The following JMJD1C variants were observed in gnomAD, a reference collection of about 807,000 sequenced individuals.
JMJD1C encodes the protein jumonji domain-containing protein 1C.
Under a neutral mutation model 245.3 loss-of-function variants are expected in JMJD1C, and 31 were observed. The observed-to-expected ratio is 0.13, with a 90% CI of 0.09 to 0.17. The LOEUF is 0.17. Ranked by LOEUF, JMJD1C falls within the 10% of genes least tolerant of loss-of-function variation. The pLI, the probability that JMJD1C is intolerant of heterozygous loss-of-function variation, is 1.00. For synonymous variants in JMJD1C, 1,057 were observed against 1,017.4 expected (o/e 1.04, Z -0.74); for missense variants, 2,691 against 3,000.2 (o/e 0.90, Z 2.41).
chr10:63,337,267 C>T (rs1053274024), intron 2 of JMJD1C, among the ~76,000 whole-genome samples: 1 of 150,830 alleles, frequency 6.6e-6, no homozygotes, highest in Admixed American at 6.6e-5. Context: ...TATGGTGAAA[C>T]CCCATGTCTA....
Position 63,214,758 on chromosome 10 carries a change from A to C in JMJD1C, c.1409T>G (p.Val470Gly). 3 of 1,613,618 alleles carry C rather than the reference A, an allele frequency of 1.9e-6. No individual in the cohort carries two copies. Among genetic ancestry groups the C allele is most frequent in the Non-Finnish European group, 2.5e-6 (3 of 1,179,692 alleles). Residue 470 changes from valine (V) to glycine (G), a missense_variant, in exon 8 of 26, where the codon GTT becomes GGT. Around this residue, in one of 9 missense-constraint regions of JMJD1C, gnomAD observed 1,562 missense variants for 1,490.7 expected, o/e 1.05. Coordinates refer to ENST00000399262, the MANE Select transcript of JMJD1C (RefSeq NM_032776.3). ...MIIHSSEQST[V>G]SDHNSNDLLP... ...TAAATCATTAGAATTATGATCAGAA[A>C]CTGTGGACTGTTCTGACGAATGAAT...
At position 63,168,157 on chromosome 10, in the gene JMJD1C, T is replaced by C. The variant is rs367642525; in HGVS notation, c.7534-23A>G. On this transcript the variant is annotated intron_variant, in intron 25 of 25. Coordinates refer to ENST00000399262, the MANE Select transcript of JMJD1C (RefSeq NM_032776.3). ...AACCTGAAAGAGATGTTGATATTTCTAATCACTTCAGTTCGACAGAAATTA... is the reference window on the plus strand; with the variant it reads ...AACCTGAAAGAGATGTTGATATTTCCAATCACTTCAGTTCGACAGAAATTA... 7.9e-5 allele frequency: 115 copies of C among 1,460,098 alleles called. 3 individuals are homozygous for C. In the South Asian group the frequency reaches 8.8e-4, roughly 11 times the overall value. The allele number at this position is 1,460,098 out of a possible 1,614,324, so 90.4% of individuals were successfully genotyped here.
chr10:63,507,413 G>A (rs1954751779), intron 1 of JMJD1C, among the ~76,000 whole-genome samples: 1 of 152,030 alleles, frequency 6.6e-6, no homozygotes, highest in Non-Finnish European at 1.5e-5. Context: ...GGAGGCTGAG[G>A]CGGGGGGATC....
chr10:63,214,276 C>A lies in JMJD1C; in HGVS notation c.1891G>T (p.Val631Leu), dbSNP rs1193691758. ...ETIKSKLNTS[V>L]DTHKIKSSPS... ...CTGGATTTTATCTTGTGAGTATCTA[C>A]TGAAGTATTAAGTTTAGATTTTATA... The change falls in exon 8 of 26, where the codon GTA (valine) becomes TTA (leucine). Residue 631 changes from valine to leucine, a missense_variant. Transcript: ENST00000399262. 1.2e-6 allele frequency: 2 copies of A among 1,614,036 alleles called. No individual in the cohort carries two copies. The highest frequency in any genetic ancestry group is 1.1e-5 in the South Asian group (1 of 91,078).
rs76812604 is a variant in JMJD1C at position 63,414,453 on chromosome 10, A to G, written c.169-33971T>C. On this transcript the variant is annotated intron_variant, in intron 1 of 25. Transcript: ENST00000399262. ...GATCTCAAGTCTAACCAGAATCACC[A>G]TAAGGCCAGAGTTTGTTCCCCGTAA... 2.3e-3 allele frequency among the ~76,000 whole-genome samples: 355 copies of G among 152,280 alleles called. 1 individual carries two copies. The highest frequency in any genetic ancestry group is 0.015 in the East Asian group (77 of 5,190).
At position 63,189,329 on chromosome 10, in the gene JMJD1C, C is replaced by T. The variant is rs751191855; in HGVS notation, c.6409G>A (p.Glu2137Lys). ...SKINVKPELK[E>K]EPEESIISAV... ...GATATTATGCTTTCTTCAGGCTCTT[C>T]TTTAAGCTCTGGTTTTACATTTATC... Residue 2137 changes from glutamate (E) to lysine (K), a missense_variant, in exon 18 of 26, where the codon GAA becomes AAA. Transcript: ENST00000399262. 8 of 1,613,736 alleles carry T rather than the reference C, an allele frequency of 5.0e-6. No individual in the cohort carries two copies. The highest frequency in any genetic ancestry group is 2.2e-5 in the South Asian group (2 of 91,084).
Position 63,382,629 on chromosome 10 carries a change from G to A in JMJD1C, c.169-2147C>T, listed in dbSNP as rs190646226. Among the ~76,000 whole-genome samples, 6 of 152,236 alleles carry A rather than the reference G, an allele frequency of 3.9e-5. No individual in the cohort carries two copies. In the East Asian group the frequency reaches 1.2e-3, roughly 29 times the overall value. ...AATCAAAAGCATTTCCTTTAAGATGGGAACAAGACAAGGATGTTATAATTT... is the reference window on the plus strand; with the variant it reads ...AATCAAAAGCATTTCCTTTAAGATGAGAACAAGACAAGGATGTTATAATTT... On this transcript the variant is annotated intron_variant, in intron 1 of 25. Transcript: ENST00000399262.
intron 2 of JMJD1C, among the ~76,000 whole-genome samples, chr10:63,296,026 T>TTTTC (rs1491140598): frequency 1.0e-4 from 14 of 133,472 alleles, no homozygotes; most frequent in African/African-American, 3.9e-4. Flanking sequence ...TTTTTTTTTT[T>TTTTC]CTTAGATGGA....
At chr10:63,435,967 G>C (rs1297415745) in intron 1 of JMJD1C, among the ~76,000 whole-genome samples, 1 of 152,142 alleles carries the variant, frequency 6.6e-6, no homozygotes, top group Non-Finnish European at 1.5e-5. Context: ...ACCCAATATG[G>C]TGGAAAGGTT....
chr10:63,290,805 GA>G (rs1228215229), intron 2 of JMJD1C, among the ~76,000 whole-genome samples: 3 of 152,056 alleles, frequency 2.0e-5, no homozygotes, highest in Admixed American at 6.5e-5. Flanking sequence ...CAATAATGAA[GA>G]GGACTGGCTG....
intron 1 of JMJD1C, among the ~76,000 whole-genome samples, chr10:63,434,991 A>G (rs1950984006): frequency 6.6e-6 from 1 of 152,248 alleles, no homozygotes; most frequent in African/African-American, 2.4e-5. Context: ...TACCAATAGC[A>G]TATCTTTAGA....
At chr10:63,520,476 A>T (rs1955175049) in intron 1 of JMJD1C, among the ~76,000 whole-genome samples, 1 of 151,752 alleles carries the variant, frequency 6.6e-6, no homozygotes, top group African/African-American at 2.4e-5. Flanking sequence ...TCTAAACTTT[A>T]ACATCATTTT....
intron 3 of JMJD1C, among the ~76,000 whole-genome samples, chr10:63,249,131 CATG>C (rs1852691447): frequency 1.3e-5 from 2 of 152,072 alleles, no homozygotes; most frequent in Admixed American, 1.3e-4. Flanking sequence ...GACTGACCAG[CATG>C]ATAAAACCCT....
Position 63,207,132 on chromosome 10 carries a change from A to C in JMJD1C, c.4537T>G (p.Ser1513Ala). 6.2e-7 allele frequency: 1 copy of C among 1,614,216 alleles called. No homozygotes were observed. The highest frequency in any genetic ancestry group is 8.5e-7 in the Non-Finnish European group (1 of 1,180,032). The change falls in exon 10 of 26, where the codon TCA becomes GCA. Residue 1513 changes from serine to alanine, a missense_variant. By Grantham distance (99) the Ser-to-Ala change is moderately conservative. Around this residue, in one of 9 missense-constraint regions of JMJD1C, gnomAD observed 1,562 missense variants for 1,490.7 expected, o/e 1.05. Coordinates refer to ENST00000399262, the MANE Select transcript of JMJD1C (RefSeq NM_032776.3). ...EPNAIKNQTL[S>A]ASLPLDSTVI... Reference sequence around the variant, plus strand: ...GTGCTATCCAGAGGAAGGGAGGCTGAAAGTGTCTGATTTTTTATAGCATTA... The same window carrying C: ...GTGCTATCCAGAGGAAGGGAGGCTGCAAGTGTCTGATTTTTTATAGCATTA...
At chr10:63,464,888 C>T (rs1239531297) in intron 1 of JMJD1C, among the ~76,000 whole-genome samples, 4 of 152,148 alleles carry the variant, frequency 2.6e-5, no homozygotes, top group African/African-American at 9.7e-5. Flanking sequence ...TCACTTTTAT[C>T]CTTTACGGTT....
At chr10:63,316,147 G>A (rs1940019892) in intron 2 of JMJD1C, among the ~76,000 whole-genome samples, 1 of 152,194 alleles carries the variant, frequency 6.6e-6, no homozygotes. Flanking sequence ...ACTCCAGCCT[G>A]GGCTATAGAG....
chr10:63,327,511 A>C (rs1180233057), intron 2 of JMJD1C, among the ~76,000 whole-genome samples: 1 of 152,202 alleles, frequency 6.6e-6, no homozygotes, highest in Non-Finnish European at 1.5e-5. Flanking sequence ...TTCCAGTTAC[A>C]ACTAAGGAAG....
chr10:63,264,578 G>T, intron 3 of JMJD1C, 73 bp downstream of exon 3: 2 of 691,736 alleles, frequency 2.9e-6, no homozygotes, highest in Non-Finnish European at 4.9e-6. Flanking sequence ...AAAGAATATT[G>T]TTTAAAGAAT....
At chr10:63,337,580 A>C (rs938873725) in intron 2 of JMJD1C, among the ~76,000 whole-genome samples, 57 of 88,474 alleles carry the variant, frequency 6.4e-4, no homozygotes, top group African/African-American at 3.9e-3. Context: ...AAAGAAAAGA[A>C]AAGAAAAGAA....
Sources: allele counts gnomAD v4.1 joint callset (sites outside exome capture counted in the v4.1 genomes callset), GRCh38; gene constraint gnomAD v4.1.1; regional missense constraint gnomAD v4.1.1; transcripts MANE v1.5; gene names NCBI Gene and HGNC (gene_info 2026-07-23, HGNC 2026-07-21).